Variants in DNAH17 observed in about 807,000 individuals in gnomAD.
DNAH17 encodes dynein axonemal heavy chain 17.
In DNAH17, 376 loss-of-function variants were observed where a neutral mutation model predicts 485.6. The ratio of observed to expected loss-of-function variants is 0.77; its 90% CI spans 0.71 to 0.84. DNAH17 has a LOEUF of 0.84. DNAH17 is among the 40% of genes least tolerant of loss of function. The pLI, the probability that DNAH17 is intolerant of heterozygous loss-of-function variation, is 0.00. For synonymous variants in DNAH17, 3,031 were observed against 2,405.9 expected (o/e 1.26, Z -7.60); for missense variants, 6,370 against 5,839.3 (o/e 1.09, Z -2.96).
chr17:78,560,437 T>C (rs2092126980), intron 13 of DNAH17, among the ~76,000 whole-genome samples: 1 of 152,124 alleles, frequency 6.6e-6, no homozygotes, highest in Non-Finnish European at 1.5e-5. Context: ...TGTGCCTGCC[T>C]TGACCAGCCA....
chr17:78,488,820 G>A (rs191895992), intron 44 of DNAH17, among the ~76,000 whole-genome samples: 13 of 152,100 alleles, frequency 8.5e-5, no homozygotes, highest in East Asian at 3.9e-4. Flanking sequence ...TACAGAGAAG[G>A]CCACGTGGAG....
rs61741414 is a variant in DNAH17 at position 78,537,432 on chromosome 17, C to T, written c.2726G>A (p.Gly909Glu). 1.5e-3 allele frequency: 2,349 copies of T among 1,613,392 alleles called. 40 individuals are homozygous for T. The African/African-American group carries it at 0.028, about 19-fold the overall frequency. Reference sequence around the variant, plus strand: ...CTCCAGGGTCGGGTTGAAGGTCAGCCCATCCTCGTCCAGCTCCATGCGGAT... The same window carrying T: ...CTCCAGGGTCGGGTTGAAGGTCAGCTCATCCTCGTCCAGCTCCATGCGGAT... ...FEIRMELDED[G>E]LTFNPTLEVG... is the part of the protein sequence containing the mutation. Residue 909 changes from glycine (G) to glutamate (E), a missense_variant, in exon 19 of 81, where the codon GGG becomes GAG. Coordinates refer to ENST00000389840, the MANE Select transcript of DNAH17 (RefSeq NM_173628.4).
rs1292549404 is a variant in DNAH17, at chr17:78,475,406, C to T, written c.8383G>A (p.Gly2795Arg). 1 of 1,613,944 alleles carries T rather than the reference C, an allele frequency of 6.2e-7. No homozygotes were observed. Among genetic ancestry groups the T allele is most frequent in the Non-Finnish European group, 8.5e-7 (1 of 1,179,878 alleles). ...RINRILESPR[G>R]NALLVGVGGS... is the part of the protein sequence containing the mutation. ...CCCACCCCCACCAGCAGGGCATTCCCCCGGGGAGACTCCAGGATGCGATTA... is the reference window on the plus strand; with the variant it reads ...CCCACCCCCACCAGCAGGGCATTCCTCCGGGGAGACTCCAGGATGCGATTA... Residue 2795 changes from glycine to arginine, a missense_variant, in exon 54 of 81, where the codon GGG (glycine) becomes AGG (arginine). Physicochemically the swap from Gly to Arg is moderately radical, Grantham distance 125 (BLOSUM62 -2). Transcript: ENST00000389840.
intron 48 of DNAH17, among the ~76,000 whole-genome samples, chr17:78,483,491 A>T (rs1485089494): frequency 6.6e-6 from 1 of 152,160 alleles, no homozygotes; most frequent in East Asian, 1.9e-4. Flanking sequence ...TTAGGTGGGC[A>T]TGGTGGCAGG....
chr17:78,432,911 C>CG (rs922446913), intron 75 of DNAH17, among the ~76,000 whole-genome samples: 13 of 119,572 alleles, frequency 1.1e-4, no homozygotes, highest in Admixed American at 3.9e-4. Context: ...TGCCCCCCCC[C>CG]CCCGACCCCG....
At chr17:78,550,546 G>GAC (rs1261946878) in intron 16 of DNAH17, among the ~76,000 whole-genome samples, 2 of 152,222 alleles carry the variant, frequency 1.3e-5, no homozygotes, top group South Asian at 2.1e-4. Flanking sequence ...AGGAGATGAG[G>GAC]ACACAGACAC....
chr17:78,437,591 CCAGGCCGTGGCATGGGATGGGGAGG>C, intron 74 of DNAH17, 25 bp downstream of exon 74: 1 of 1,484,440 alleles, frequency 6.7e-7, no homozygotes, highest in Middle Eastern at 2.3e-4. Flanking sequence ...GGGATGGATG[CCAGGCCGTGGCATGGGATGGGGAGG>C]CAGCCCGAGC....
chr17:78,452,833 T>A (rs1259487415), intron 65 of DNAH17, among the ~76,000 whole-genome samples: 1 of 152,022 alleles, frequency 6.6e-6, no homozygotes, highest in Non-Finnish European at 1.5e-5. Flanking sequence ...AATAGGCAAA[T>A]CCACAGACAC....
Position 78,570,614 on chromosome 17 carries a change from C to T in DNAH17, c.919-242G>A, listed in dbSNP as rs534273023. 5.1e-4 allele frequency among the ~76,000 whole-genome samples: 78 copies of T among 152,198 alleles called. 1 individual carries two copies. The highest frequency in any genetic ancestry group is 9.8e-4 in the Admixed American group (15 of 15,304). On this transcript the variant is annotated intron_variant, in intron 6 of 80. Coordinates refer to ENST00000389840, the MANE Select transcript of DNAH17 (RefSeq NM_173628.4). The stretch of plus-strand genomic sequence containing the variant: ...GTGGCTCACGCCTGTAATCCCAGCA[C>T]TTTGGGAGGCCGAGGTGGGCGGATC...
intron 3 of DNAH17, 32 bp downstream of exon 3, chr17:78,572,669 A>G: frequency 6.4e-7 from 1 of 1,557,098 alleles, no homozygotes; most frequent in Non-Finnish European, 8.7e-7. Context: ...TTCCCCACCC[A>G]GCGGCAGCCG....
intron 56 of DNAH17, 29 bp from the exon 57 acceptor site, chr17:78,463,106 T>C: frequency 1.9e-6 from 3 of 1,603,906 alleles, no homozygotes; most frequent in Non-Finnish European, 2.6e-6. Context: ...CAGTCATCCC[T>C]GGGACCCCAT....
intron 71 of DNAH17, 101 bp downstream of exon 71, chr17:78,444,503 G>A (rs2087197639): frequency 7.7e-6 from 9 of 1,172,010 alleles, no homozygotes; most frequent in African/African-American, 1.6e-5. Context: ...AAGTTCAGGG[G>A]ATCAACTCAA....
rs1796132557 is a variant in DNAH17, at chr17:78,561,796, AC to A, written c.1753del (p.Val585TrpfsTer15). Reference sequence around the variant, plus strand: ...CAGGCTCCATTTGAGCTGCCCGGCCACGGGAGGCATGTTTTTGTGGATCAGG... The same window carrying A: ...CAGGCTCCATTTGAGCTGCCCGGCCAGGGAGGCATGTTTTTGTGGATCAGG... ...IPLIHKNMPP[V>X]AGQLKWSLEL... On this transcript the variant is annotated frameshift_variant, in exon 12 of 81. Transcript: ENST00000389840. LOFTEE classifies it high-confidence loss of function. 1 of 1,613,648 alleles carries A rather than the reference AC, an allele frequency of 6.2e-7. No individual in the cohort carries two copies. The highest frequency in any genetic ancestry group is 1.7e-5 in the Admixed American group (1 of 59,968).
chr17:78,510,520 A>G lies in DNAH17; in HGVS notation c.4114-14T>C. On this transcript the variant is annotated splice_polypyrimidine_tract_variant and intron_variant, in intron 26 of 80. Transcript: ENST00000389840. Reference sequence around the variant, plus strand: ...TTTAAATTTCACCTAAGGGAAAAAAATCCAGGCAGGATTCATTTCAGGTCA... The same window carrying G: ...TTTAAATTTCACCTAAGGGAAAAAAGTCCAGGCAGGATTCATTTCAGGTCA... The G allele has an allele frequency of 6.2e-7, 1 of 1,613,504 alleles. No individual in the cohort carries two copies. Among genetic ancestry groups the G allele is most frequent in the Non-Finnish European group, 8.5e-7 (1 of 1,179,530 alleles).
chr17:78,460,426 G>A (rs1212918467), intron 58 of DNAH17, among the ~76,000 whole-genome samples, 169 bp from the exon 59 acceptor site: 1 of 151,890 alleles, frequency 6.6e-6, no homozygotes, highest in Admixed American at 6.6e-5. Flanking sequence ...GTATGTGTAT[G>A]TGCATCCATG....
At chr17:78,496,630 A>C (rs2090080941) in intron 37 of DNAH17, 1 of 147,258 alleles carries the variant, frequency 6.8e-6, no homozygotes. Context: ...ATGTTATATA[A>C]GTGGAATTGT....
At chr17:78,557,341 G>A (rs1406282479) in intron 14 of DNAH17, among the ~76,000 whole-genome samples, 1 of 152,174 alleles carries the variant, frequency 6.6e-6, no homozygotes, top group African/African-American at 2.4e-5. Flanking sequence ...TAATTGGCCA[G>A]GCTTGGGGCC....
intron 48 of DNAH17, among the ~76,000 whole-genome samples, chr17:78,481,063 G>A (rs867309475): frequency 1.3e-5 from 2 of 149,866 alleles, no homozygotes; most frequent in Non-Finnish European, 3.0e-5. Flanking sequence ...CCAAAGTGCT[G>A]AGATTACAAG....
chr17:78,469,423 G>A (rs2088643913), intron 54 of DNAH17, among the ~76,000 whole-genome samples: 1 of 152,210 alleles, frequency 6.6e-6, no homozygotes, highest in Non-Finnish European at 1.5e-5. Context: ...TTACAGGTGT[G>A]AGCCACTGTG....
Sources: allele counts gnomAD v4.1 joint callset (sites outside exome capture counted in the v4.1 genomes callset), GRCh38; gene constraint gnomAD v4.1.1; transcripts MANE v1.5; gene names NCBI Gene and HGNC (gene_info 2026-07-23, HGNC 2026-07-21).